DHRS12: variants seen among roughly 807,000 people sequenced by gnomAD.
The protein encoded by DHRS12 is dehydrogenase/reductase SDR family member 12.
DHRS12 carries 29 observed loss-of-function variants against 32.1 expected under a neutral mutation model. That is an observed-to-expected ratio of 0.90 (90% CI 0.67 to 1.23). The LOEUF (loss-of-function observed/expected upper bound fraction) is 1.23. DHRS12 is among the 50% of genes most tolerant of loss of function. DHRS12 has a pLI of 0.00. For missense variants in DHRS12, 330 were observed against 337.2 expected (o/e 0.98, Z 0.17); for synonymous variants, 150 against 135.9 (o/e 1.10, Z -0.72).
At chr13:51,770,997 C>T in intron 7 of DHRS12, 1 of 1,382,098 alleles carries the variant, frequency 7.2e-7, no homozygotes, top group Non-Finnish European at 9.3e-7. Context: ...TAGTGATTTT[C>T]AGAAAGGCCA....
intron 4 of DHRS12, among the ~76,000 whole-genome samples, chr13:51,778,917 A>G (rs536901797): frequency 3.9e-5 from 6 of 152,282 alleles, no homozygotes; most frequent in African/African-American, 1.4e-4. Flanking sequence ...ATGTGTGTAC[A>G]CATATATGTG....
At chr13:51,765,387 A>C (rs1953715714), downstream of DHRS12, 1 of 152,148 alleles carries the variant, frequency 6.6e-6, no homozygotes, top group African/African-American at 2.4e-5. Flanking sequence ...GCAGTGTCTA[A>C]AAATTAGATC....
At position 51,804,119 on chromosome 13, in the gene DHRS12, G is replaced by GC; in HGVS notation, c.-75dup. 1 of 1,482,218 alleles carries GC rather than the reference G, an allele frequency of 6.7e-7. No homozygotes were observed. Among genetic ancestry groups the GC allele is most frequent in the Non-Finnish European group, 8.9e-7 (1 of 1,121,566 alleles). 91.8% of individuals were successfully genotyped at this position (1,482,218 alleles called of 1,614,324 possible). ...TGCGGTACAGGGACATGCCGGGAGCGCCCCACGCCTAGCCCCACCGCGCTC... is the reference window on the plus strand; with the variant it reads ...TGCGGTACAGGGACATGCCGGGAGCGCCCCCACGCCTAGCCCCACCGCGCTC... On this transcript the variant is annotated 5_prime_UTR_variant, in exon 1 of 9. Transcript: ENST00000444610.
chr13:51,767,123 G>C (rs1953774960), downstream of DHRS12: 6 of 152,262 alleles, frequency 3.9e-5, no homozygotes, highest in Admixed American at 3.9e-4. Flanking sequence ...TTTAAAACTT[G>C]TGAGGTTCAT....
chr13:51,794,516 C>T (rs1955424762), intron 2 of DHRS12, among the ~76,000 whole-genome samples: 1 of 152,168 alleles, frequency 6.6e-6, no homozygotes, highest in South Asian at 2.1e-4. Flanking sequence ...AGAGTCGAAA[C>T]CCGTTTTTTA....
At chr13:51,763,282 A>G (rs1287463659), downstream of DHRS12, 1 of 152,230 alleles carries the variant, frequency 6.6e-6, no homozygotes, top group Non-Finnish European at 1.5e-5. Flanking sequence ...TCGAAAGCAT[A>G]TATGACAGTT....
chr13:51,801,616 G>T (rs566225074), intron 1 of DHRS12, among the ~76,000 whole-genome samples: 1 of 152,342 alleles, frequency 6.6e-6, no homozygotes, highest in Admixed American at 6.5e-5. Flanking sequence ...GAAACTGGAA[G>T]ATTTTTTTCC....
chr13:51,787,693 A>AAT (rs1031111032), intron 4 of DHRS12, among the ~76,000 whole-genome samples: 2 of 141,030 alleles, frequency 1.4e-5, no homozygotes, highest in African/African-American at 5.2e-5. Flanking sequence ...AAAAAGTATA[A>AAT]ATATATATAA....
chr13:51,760,001 G>C, the DHRS12 span: 1 of 473,722 alleles, frequency 2.1e-6, no homozygotes, highest in Non-Finnish European at 3.8e-6. Flanking sequence ...TTTAACAAAT[G>C]GTTTATACAG....
intron 6 of DHRS12, 123 bp downstream of exon 6, chr13:51,773,807 T>C: frequency 1.2e-6 from 1 of 801,384 alleles, no homozygotes; most frequent in East Asian, 2.7e-5. Context: ...TGAGGGAACA[T>C]TTTCAGGTGC....
At chr13:51,771,187 T>C (rs1953990655) in intron 7 of DHRS12, 5 of 1,548,998 alleles carry the variant, frequency 3.2e-6, no homozygotes, top group Admixed American at 3.9e-5. Flanking sequence ...CTGAGACCAG[T>C]TCTTGGCGCC....
At chr13:51,801,017 T>C (rs1369464458) in intron 1 of DHRS12, among the ~76,000 whole-genome samples, 1 of 152,188 alleles carries the variant, frequency 6.6e-6, no homozygotes. Flanking sequence ...CAGCTCAGCC[T>C]CTTACTAGCT....
intron 3 of DHRS12, among the ~76,000 whole-genome samples, chr13:51,790,885 A>T (rs2760302): frequency 0.22 from 33,967 of 152,034 alleles, 4,606 homozygotes; most frequent in African/African-American, 0.38. Flanking sequence ...AATTGAGAAA[A>T]ATTTATATAC....
chr13:51,771,684 C>A, intron 7 of DHRS12, 137 bp downstream of exon 7: 4 of 1,352,294 alleles, frequency 3.0e-6, no homozygotes, highest in South Asian at 1.3e-5. Flanking sequence ...CGCGCCCCTG[C>A]CTAAATGGAA....
intron 4 of DHRS12, among the ~76,000 whole-genome samples, chr13:51,784,324 G>C (rs1457335138): frequency 6.6e-6 from 1 of 152,222 alleles, no homozygotes; most frequent in Admixed American, 6.5e-5. Flanking sequence ...GAAGGAATGT[G>C]TCCAGCAGAG....
At chr13:51,772,258 G>A (rs140030158) in intron 6 of DHRS12, among the ~76,000 whole-genome samples, 1 of 152,266 alleles carries the variant, frequency 6.6e-6, no homozygotes, top group Non-Finnish European at 1.5e-5. Context: ...GCTGCTCACT[G>A]AGGGCAGGGG....
At chr13:51,761,059 G>A in the DHRS12 span, 8 of 152,170 alleles carry the variant, frequency 5.3e-5, no homozygotes, top group African/African-American at 1.2e-4. Flanking sequence ...TGTATTCCTC[G>A]CCCTCTGTAT....
chr13:51,801,191 CATT>C (rs1218528520), intron 1 of DHRS12, among the ~76,000 whole-genome samples: 3 of 152,116 alleles, frequency 2.0e-5, no homozygotes, highest in African/African-American at 4.8e-5. Flanking sequence ...TAGCAGCTGA[CATT>C]ATTATTTTTT....
At chr13:51,755,473 A>G in the DHRS12 span, 269 of 1,607,426 alleles carry the variant, frequency 1.7e-4, no homozygotes, top group African/African-American at 3.0e-3. Context: ...AGTGATATGG[A>G]TGCTTCATCA....
Sources: allele counts gnomAD v4.1 joint callset (sites outside exome capture counted in the v4.1 genomes callset), GRCh38; gene constraint gnomAD v4.1.1; transcripts MANE v1.5; gene names NCBI Gene and HGNC (gene_info 2026-07-23, HGNC 2026-07-21).